The following CACNB2 variants were observed in gnomAD, a reference collection of about 807,000 sequenced individuals.
The protein encoded by CACNB2 is calcium voltage-gated channel auxiliary subunit beta 2.
A neutral mutation model predicts 73.3 loss-of-function variants in CACNB2; 42 were observed. That is an observed-to-expected ratio of 0.57 (90% confidence interval 0.45 to 0.74). The LOEUF is 0.74. Among genes scored for constraint, CACNB2 ranks in the 30% least tolerant of loss-of-function variants. The probability of loss-of-function intolerance (pLI) is 0.00; values close to 1 mark genes in which losing one functional copy is unlikely to be tolerated. For missense variants in CACNB2, 940 were observed against 853.0 expected, an observed-to-expected ratio of 1.10 and a Z score of -1.27; for synonymous variants, 348 against 310.3, an observed-to-expected ratio of 1.12 and a Z score of -1.28.
rs1191965408 is a variant in CACNB2, at chr10:18,539,713, A to G, written c.1972A>G (p.Ile658Val). 1.2e-6 allele frequency: 2 copies of G among 1,607,172 alleles called. No homozygotes were observed. Among genetic ancestry groups the G allele is most frequent in the Admixed American group, 3.4e-5 (2 of 58,650 alleles). Reference protein sequence around the residue: ...EAGEWNRDVYIRQ With the variant: ...EAGEWNRDVYVRQ ...TGGGGAGTGGAACAGGGATGTTTACATCCGCCAATGAGTTTTGCCCGTTTG... is the reference window on the plus strand; with the variant it reads ...TGGGGAGTGGAACAGGGATGTTTACGTCCGCCAATGAGTTTTGCCCGTTTG... The change falls in exon 14 of 14, where the codon ATC becomes GTC. Residue 658 changes from isoleucine to valine, a missense_variant. By Grantham distance (29) the Ile-to-Val change is conservative (BLOSUM62 3). Transcript: ENST00000324631.
At chr10:18,376,868 A>T (rs1230043660) in intron 2 of CACNB2, among the ~76,000 whole-genome samples, 4 of 152,202 alleles carry the variant, frequency 2.6e-5, no homozygotes, top group Non-Finnish European at 5.9e-5. Flanking sequence ...GACCTTAGCC[A>T]TTAGGCTGAT....
Position 18,518,981 on chromosome 10 carries a change from G to A in CACNB2, c.944+13G>A. 6.2e-7 allele frequency: 1 copy of A among 1,612,616 alleles called. No homozygotes were observed. The highest frequency in any genetic ancestry group is 8.5e-7 in the Non-Finnish European group (1 of 1,178,718). The stretch of plus-strand genomic sequence containing the variant: ...GATTTGAAGGGCGGTGAGTATTTCA[G>A]CATACTGGGTTTTGTGGATTTTGTC... On this transcript the variant is annotated intron_variant, in intron 9 of 13. Transcript: ENST00000324631.
chr10:18,324,987 C>T (rs764329773), intron 2 of CACNB2, among the ~76,000 whole-genome samples: 7 of 152,330 alleles, frequency 4.6e-5, no homozygotes, highest in Non-Finnish European at 8.8e-5. Flanking sequence ...ATGAGCATGT[C>T]GCCTGTGCTG....
chr10:18,518,180 T>G (rs1392547281), intron 7 of CACNB2, among the ~76,000 whole-genome samples, 156 bp from the exon 8 acceptor site: 1 of 152,176 alleles, frequency 6.6e-6, no homozygotes, highest in Non-Finnish European at 1.5e-5. Context: ...CACCAATCTT[T>G]GACTGGGTTT....
chr10:18,506,483 A>C lies in CACNB2; in HGVS notation c.606A>C (p.Gly202=). 1 of 1,610,702 alleles carries C rather than the reference A, an allele frequency of 6.2e-7. No homozygotes were observed. The highest frequency in any genetic ancestry group is 8.5e-7 in the Non-Finnish European group (1 of 1,177,004). ...QGKFYSSKSG[G]NSSSSLGDIV... ...TGCTTTACTCCAGTAAATCAGGAGG[A>C]AATTCATCATCCAGTTTGGGTGACA... The change falls in exon 6 of 14, where the codon GGA becomes GGC. Residue 202 remains glycine, a synonymous_variant. Coordinates refer to ENST00000324631, the MANE Select transcript of CACNB2 (RefSeq NM_201596.3).
intron 2 of CACNB2, among the ~76,000 whole-genome samples, chr10:18,246,946 G>GT (rs1189148545): frequency 5.9e-5 from 9 of 152,106 alleles, no homozygotes; most frequent in Non-Finnish European, 1.3e-4. Flanking sequence ...CGAATAAGTA[G>GT]TTTTTTAAGC....
intron 3 of CACNB2, among the ~76,000 whole-genome samples, chr10:18,475,659 A>C (rs35482639): frequency 0.15 from 22,863 of 152,098 alleles, 1,854 homozygotes; most frequent in Admixed American, 0.19. Flanking sequence ...TCATACCAGT[A>C]CTAAACTGGC....
chr10:18,484,464 G>A (rs2048956861), intron 3 of CACNB2, among the ~76,000 whole-genome samples: 1 of 152,054 alleles, frequency 6.6e-6, no homozygotes, highest in Non-Finnish European at 1.5e-5. Flanking sequence ...AGTGAGTGAA[G>A]TGTAACTGAT....
intron 2 of CACNB2, among the ~76,000 whole-genome samples, chr10:18,211,225 C>T (rs915495645): frequency 1.3e-5 from 2 of 152,102 alleles, no homozygotes; most frequent in Admixed American, 6.6e-5. Flanking sequence ...AAGAGAAAGC[C>T]GGGTACTCAG....
intron 3 of CACNB2, among the ~76,000 whole-genome samples, chr10:18,410,502 T>C (rs567762557): frequency 7.5e-6 from 1 of 134,218 alleles, no homozygotes; most frequent in African/African-American, 3.6e-5. Flanking sequence ...CTGAAGATAG[T>C]TTATTTCAAA....
chr10:18,350,846 C>T (rs1213685600), intron 2 of CACNB2, among the ~76,000 whole-genome samples: 2 of 152,124 alleles, frequency 1.3e-5, no homozygotes, highest in Admixed American at 6.5e-5. Flanking sequence ...CTCGTTCTGC[C>T]GTCCATGCTG....
chr10:18,446,972 T>C (rs143131762), intron 3 of CACNB2, among the ~76,000 whole-genome samples: 19 of 152,052 alleles, frequency 1.2e-4, no homozygotes, highest in African/African-American at 4.3e-4. Flanking sequence ...GGTAGGAGGA[T>C]TGGATGAGCA....
intron 2 of CACNB2, among the ~76,000 whole-genome samples, chr10:18,240,385 G>A (rs547730981): frequency 5.3e-5 from 8 of 152,268 alleles, no homozygotes; most frequent in East Asian, 3.9e-4. Context: ...TCCAAGCAGC[G>A]TGGTATGTGA....
intron 2 of CACNB2, among the ~76,000 whole-genome samples, chr10:18,338,738 C>CT (rs553402190): frequency 0.23 from 23,278 of 102,404 alleles, 3,579 homozygotes; most frequent in African/African-American, 0.37. Context: ...TCCTTCTTTC[C>CT]TTTTTTTTTT....
chr10:18,313,186 T>C (rs760303546), intron 2 of CACNB2, among the ~76,000 whole-genome samples: 10 of 151,788 alleles, frequency 6.6e-5, no homozygotes, highest in Non-Finnish European at 1.3e-4. Flanking sequence ...TGTTTTCTTT[T>C]ATATCTCCAG....
At chr10:18,496,493 C>T (rs2132989786) in intron 3 of CACNB2, among the ~76,000 whole-genome samples, 1 of 152,220 alleles carries the variant, frequency 6.6e-6, no homozygotes, top group South Asian at 2.1e-4. Context: ...GCTCCCTTCT[C>T]CTGAGAGGTC....
chr10:18,152,728 A>AAC (rs2031687094), intron 2 of CACNB2, among the ~76,000 whole-genome samples: 2 of 115,404 alleles, frequency 1.7e-5, no homozygotes, highest in African/African-American at 8.3e-5. Context: ...AAAAAAAAAA[A>AAC]AAAACAAAAA....
chr10:18,527,979 G>A (rs1324778758), intron 10 of CACNB2, among the ~76,000 whole-genome samples: 1 of 152,126 alleles, frequency 6.6e-6, no homozygotes, highest in African/African-American at 2.4e-5. Context: ...AGATCTCCTG[G>A]CTTTGCATCA....
intron 3 of CACNB2, among the ~76,000 whole-genome samples, chr10:18,477,931 G>C (rs1564595198): frequency 6.6e-6 from 1 of 151,988 alleles, no homozygotes; most frequent in South Asian, 2.1e-4. Context: ...GGGGTTCCAA[G>C]GTTTGTTTGT....
Sources: allele counts gnomAD v4.1 joint callset (sites outside exome capture counted in the v4.1 genomes callset), GRCh38; gene constraint gnomAD v4.1.1; transcripts MANE v1.5; gene names NCBI Gene and HGNC (gene_info 2026-07-23, HGNC 2026-07-21).